IL15: variants seen among roughly 807,000 people sequenced by gnomAD.
The protein encoded by IL15 is interleukin-15.
Under a neutral mutation model 19.6 loss-of-function variants are expected in IL15, and 11 were observed. That is an observed-to-expected ratio of 0.56 (90% CI 0.35 to 0.93). The LOEUF is 0.93. Ranked by LOEUF, IL15 falls within the 40% of genes least tolerant of loss-of-function variation. The pLI is 0.01. For missense variants in IL15, 197 were observed against 186.5 expected (o/e 1.06, Z -0.33); for synonymous variants, 58 against 59.6 (o/e 0.97, Z 0.12).
At chr4:141,645,021 C>A (rs1560899329) in intron 1 of IL15, among the ~76,000 whole-genome samples, 1 of 152,066 alleles carries the variant, frequency 6.6e-6, no homozygotes, top group Non-Finnish European at 1.5e-5. Flanking sequence ...TTTTGCTATT[C>A]TTTGCAGTGG....
At chr4:141,731,298 G>A (rs1344561417) in intron 7 of IL15, among the ~76,000 whole-genome samples, 2 of 152,074 alleles carry the variant, frequency 1.3e-5, no homozygotes, top group Non-Finnish European at 2.9e-5. Context: ...TTTATGTAAT[G>A]GGTATTGTCT....
intron 2 of IL15, among the ~76,000 whole-genome samples, chr4:141,699,428 T>G (rs2152180962): frequency 6.6e-6 from 1 of 152,310 alleles, no homozygotes; most frequent in African/African-American, 2.4e-5. Flanking sequence ...CAGAGGAGTA[T>G]TGAAGTCCCC....
chr4:141,677,329 G>A (rs753567646), intron 2 of IL15, among the ~76,000 whole-genome samples: 5 of 152,038 alleles, frequency 3.3e-5, no homozygotes, highest in African/African-American at 9.7e-5. Context: ...TAATAATTAT[G>A]TTTTCTCTTA....
At position 141,659,460 on chromosome 4, in the gene IL15, C is replaced by G. The variant is rs186386650; in HGVS notation, c.-100+3153C>G. ...TTGTGATTTGCCCACCTCGGCCTCC[C>G]GAAGTGCTGAGATTACAGGCATGAG... On this transcript the variant is annotated intron_variant, in intron 2 of 7. Coordinates refer to ENST00000320650, the MANE Select transcript of IL15 (RefSeq NM_000585.5). Among the ~76,000 whole-genome samples the G allele has an allele frequency of 2.6e-5, 4 of 152,238 alleles. No homozygotes were observed. In the East Asian group the frequency reaches 7.7e-4, roughly 29 times the overall value.
chr4:141,667,913 C>T (rs984328783), intron 2 of IL15, among the ~76,000 whole-genome samples: 3 of 152,036 alleles, frequency 2.0e-5, no homozygotes, highest in Middle Eastern at 6.3e-3. Flanking sequence ...TTATTTAATT[C>T]TTTCTCTTAT....
At chr4:141,725,509 G>T (rs1270112701) in intron 5 of IL15, among the ~76,000 whole-genome samples, 1 of 152,146 alleles carries the variant, frequency 6.6e-6, no homozygotes, top group Non-Finnish European at 1.5e-5. Flanking sequence ...CCTGATTTCA[G>T]ACCTCTAGCC....
chr4:141,669,792 C>A (rs1273444260), intron 2 of IL15, among the ~76,000 whole-genome samples: 1 of 143,624 alleles, frequency 7.0e-6, no homozygotes. Flanking sequence ...TTTTTTTTAA[C>A]TATTCTTTTA....
chr4:141,729,164 G>A (rs1282550142), intron 6 of IL15, among the ~76,000 whole-genome samples: 2 of 152,086 alleles, frequency 1.3e-5, no homozygotes, highest in Non-Finnish European at 2.9e-5. Flanking sequence ...CATTCAGTAA[G>A]CATTTGTGAA....
At chr4:141,673,320 G>T (rs1728235782) in intron 2 of IL15, among the ~76,000 whole-genome samples, 1 of 152,130 alleles carries the variant, frequency 6.6e-6, no homozygotes, top group Non-Finnish European at 1.5e-5. Context: ...CAAACATTCT[G>T]CTTTGTAAGT....
At chr4:141,708,326 G>A (rs1487382902) in intron 2 of IL15, among the ~76,000 whole-genome samples, 2 of 152,182 alleles carry the variant, frequency 1.3e-5, no homozygotes, top group Non-Finnish European at 2.9e-5. Flanking sequence ...TGTGAACATA[G>A]TGGAATGAGA....
At chr4:141,675,692 T>C (rs1321005751) in intron 2 of IL15, among the ~76,000 whole-genome samples, 2 of 152,230 alleles carry the variant, frequency 1.3e-5, no homozygotes, top group Non-Finnish European at 2.9e-5. Context: ...TTGCTTGATA[T>C]GTACCATAAA....
Position 141,732,814 on chromosome 4 carries a change from T to C in IL15, c.455T>C (p.Val152Ala), listed in dbSNP as rs1730494417. ...ATTAAAGAATTTTTGCAGAGTTTTG[T>C]ACATATTGTCCAAATGTTCATCAAC... is the stretch of plus-strand genomic sequence containing the variant. ...KNIKEFLQSF[V>A]HIVQMFINTS The change falls in exon 8 of 8, where the codon GTA becomes GCA. Residue 152 changes from valine (V) to alanine (A), a missense_variant. Val to Ala is a moderately conservative substitution (Grantham distance 64, BLOSUM62 0). Coordinates refer to ENST00000320650, the MANE Select transcript of IL15 (RefSeq NM_000585.5). 6.2e-6 allele frequency: 10 copies of C among 1,611,912 alleles called. No individual in the cohort carries two copies. Among genetic ancestry groups the C allele is most frequent in the African/African-American group, 1.3e-5 (1 of 74,822 alleles).
chr4:141,645,627 A>C (rs915970843), intron 1 of IL15, among the ~76,000 whole-genome samples: 1 of 152,126 alleles, frequency 6.6e-6, no homozygotes, highest in Non-Finnish European at 1.5e-5. Context: ...TTTCCATATA[A>C]TAGACTACCC....
intron 2 of IL15, among the ~76,000 whole-genome samples, chr4:141,707,754 G>A (rs1729572431): frequency 6.6e-6 from 1 of 152,214 alleles, no homozygotes; most frequent in African/African-American, 2.4e-5. Context: ...GCACTGGGTT[G>A]GTTTTCAGGT....
chr4:141,654,872 C>T (rs947144180), intron 1 of IL15, among the ~76,000 whole-genome samples: 1 of 152,024 alleles, frequency 6.6e-6, no homozygotes, highest in African/African-American at 2.4e-5. Flanking sequence ...GAGAAGCTAG[C>T]TTGCTATCTT....
intron 2 of IL15, among the ~76,000 whole-genome samples, chr4:141,714,491 G>C (rs1395771373): frequency 6.6e-6 from 1 of 152,134 alleles, no homozygotes; most frequent in Non-Finnish European, 1.5e-5. Flanking sequence ...GCCTGCACTA[G>C]CATCTTAAAA....
intron 2 of IL15, among the ~76,000 whole-genome samples, chr4:141,709,497 T>C (rs1013334967): frequency 2.0e-5 from 3 of 152,184 alleles, no homozygotes; most frequent in Non-Finnish European, 2.9e-5. Flanking sequence ...TTTTAAGCCA[T>C]TGGTATTTTG....
In IL15 at chr4:141,636,741, C is replaced by G. The variant is rs544751667; in HGVS notation, c.-229C>G. The G allele has an allele frequency of 3.9e-5, 6 of 151,902 alleles. No homozygotes were observed. The highest frequency in any genetic ancestry group is 1.2e-4 in the African/African-American group (5 of 41,404). The allele number at this position is 151,902 out of a possible 1,614,324, so 9.4% of individuals were successfully genotyped here. The stretch of plus-strand genomic sequence containing the variant: ...CGCCCCCCACCCTGCAGCCAGGACT[C>G]GATGGAGGTACAGAGCTCGGCTTCT... On this transcript the variant is annotated 5_prime_UTR_variant, in exon 1 of 8. Transcript: ENST00000320650.
rs577702342 is a variant in IL15, at chr4:141,684,213, C to CT, written c.-100+27914dup. Among the ~76,000 whole-genome samples the CT allele has an allele frequency of 1.3e-4, 20 of 151,940 alleles. No homozygotes were observed. In the South Asian group the frequency reaches 1.9e-3, roughly 14 times the overall value. The stretch of plus-strand genomic sequence containing the variant: ...TTCTCACTCTTCAGTACTCAGTAGT[C>CT]TTTTTTTTCTGTTAAAAGATTGACC... On this transcript the variant is annotated intron_variant, in intron 2 of 7. Transcript: ENST00000320650.
Sources: allele counts gnomAD v4.1 joint callset (sites outside exome capture counted in the v4.1 genomes callset), GRCh38; gene constraint gnomAD v4.1.1; transcripts MANE v1.5; gene names NCBI Gene and HGNC (gene_info 2026-07-23, HGNC 2026-07-21).